The following PSMD14 variants were observed in gnomAD, a reference collection of about 807,000 sequenced individuals.
PSMD14 encodes proteasome 26S subunit, non-ATPase 14.
In PSMD14, 7 loss-of-function variants were observed where a neutral mutation model predicts 41.2. That is an observed-to-expected ratio of 0.17 (90% CI 0.10 to 0.32). The LOEUF (loss-of-function observed/expected upper bound fraction) is 0.32, where lower values mean the gene tolerates loss of function less well. Among genes scored for constraint, PSMD14 ranks in the 10% least tolerant of loss-of-function variants. The pLI is 1.00. For synonymous variants in PSMD14, 114 were observed against 122.3 expected (o/e 0.93, Z 0.45); for missense variants, 139 against 375.6 (o/e 0.37, Z 5.21).
chr2:161,361,695 G>A (rs1683291188), intron 3 of PSMD14, among the ~76,000 whole-genome samples: 1 of 152,170 alleles, frequency 6.6e-6, no homozygotes, highest in South Asian at 2.1e-4. Flanking sequence ...TGATTTAATA[G>A]TGGGAAATAT....
At chr2:161,389,889 G>GTTGTTGTT in intron 8 of PSMD14, among the ~76,000 whole-genome samples, 1 of 20,042 alleles carries the variant, frequency 5.0e-5, no homozygotes, top group Admixed American at 6.9e-4. Flanking sequence ...CTTTTTTGTT[G>GTTGTTGTT]TTTTTTTTTT....
intron 3 of PSMD14, among the ~76,000 whole-genome samples, chr2:161,331,357 G>A (rs368709958): frequency 2.0e-5 from 3 of 152,004 alleles, no homozygotes; most frequent in Non-Finnish European, 4.4e-5. Context: ...CCGCCTCCCA[G>A]GTTCAAGCGG....
intron 3 of PSMD14, among the ~76,000 whole-genome samples, chr2:161,350,103 TAA>T (rs1015943403): frequency 6.6e-6 from 1 of 152,222 alleles, no homozygotes. Context: ...GTATGTTTAG[TAA>T]TATAAAGTTG....
At chr2:161,408,219 T>C (rs1357307851) in intron 10 of PSMD14, 1 of 152,112 alleles carries the variant, frequency 6.6e-6, no homozygotes, top group African/African-American at 2.4e-5. Flanking sequence ...TCATGGTTAC[T>C]AAAGATCACT....
intron 10 of PSMD14, chr2:161,408,290 T>C (rs1336946917): frequency 1.3e-5 from 2 of 153,012 alleles, no homozygotes; most frequent in African/African-American, 2.4e-5. Context: ...GATGTAAAGA[T>C]GTGAAATTAC....
At chr2:161,384,377 T>C (rs1044943511) in intron 7 of PSMD14, 13 of 151,838 alleles carry the variant, frequency 8.6e-5, no homozygotes, top group African/African-American at 2.4e-4. Flanking sequence ...GTAATACTTA[T>C]TACAAGCAGA....
At chr2:161,319,460 C>T (rs1441614763) in intron 3 of PSMD14, among the ~76,000 whole-genome samples, 1 of 152,068 alleles carries the variant, frequency 6.6e-6, no homozygotes, top group Non-Finnish European at 1.5e-5. Flanking sequence ...CAAATGACCT[C>T]TAGATTTCTG....
chr2:161,409,916 C>G (rs952041154), intron 11 of PSMD14, among the ~76,000 whole-genome samples: 1 of 151,872 alleles, frequency 6.6e-6, no homozygotes, highest in Non-Finnish European at 1.5e-5. Flanking sequence ...TTATTTTAAT[C>G]ATAATACTAG....
chr2:161,389,517 G>A (rs188727803), intron 8 of PSMD14, among the ~76,000 whole-genome samples: 1 of 152,054 alleles, frequency 6.6e-6, no homozygotes, highest in Admixed American at 6.6e-5. Context: ...AAATGAGTAA[G>A]GATTTAATAT....
intron 10 of PSMD14, among the ~76,000 whole-genome samples, chr2:161,403,780 A>T (rs1683912720): frequency 6.7e-6 from 1 of 149,806 alleles, no homozygotes; most frequent in Admixed American, 6.7e-5. Context: ...TCCCATCCCC[A>T]CTCCTTTTCA....
chr2:161,313,203 C>T lies in PSMD14; in HGVS notation c.-137-3234C>T, dbSNP rs115910799. 9.6e-3 allele frequency among the ~76,000 whole-genome samples: 1,459 copies of T among 152,214 alleles called. 6 individuals are homozygous for T. Among genetic ancestry groups the T allele is most frequent in the South Asian group, 0.029 (140 of 4,824 alleles). On this transcript the variant is annotated intron_variant, in intron 1 of 11. Coordinates refer to ENST00000409682, the MANE Select transcript of PSMD14 (RefSeq NM_005805.6). ...GACTGTAGAGTCATAGTACTTGACTCTCATGTACCAGGCAAAATAGTCATT... is the reference window on the plus strand; with the variant it reads ...GACTGTAGAGTCATAGTACTTGACTTTCATGTACCAGGCAAAATAGTCATT...
chr2:161,355,687 A>G (rs529009599), intron 3 of PSMD14, among the ~76,000 whole-genome samples: 15 of 152,326 alleles, frequency 9.8e-5, no homozygotes, highest in African/African-American at 3.6e-4. Context: ...TCAGAATAAT[A>G]AAACATAATT....
intron 10 of PSMD14, chr2:161,408,385 T>TA (rs1409935777): frequency 6.0e-6 from 1 of 165,624 alleles, no homozygotes. Context: ...GTTAAATAGA[T>TA]ACTGAAGCTA....
chr2:161,325,911 C>T (rs1682688100), intron 3 of PSMD14, among the ~76,000 whole-genome samples: 1 of 152,020 alleles, frequency 6.6e-6, no homozygotes, highest in African/African-American at 2.4e-5. Context: ...GAGGCCTGTT[C>T]ATTAGATGAT....
intron 10 of PSMD14, among the ~76,000 whole-genome samples, chr2:161,399,349 C>T (rs1044559545): frequency 1.3e-5 from 2 of 151,986 alleles, no homozygotes; most frequent in African/African-American, 2.4e-5. Flanking sequence ...GTGTTTGTTA[C>T]GAGTCAGAAT....
At chr2:161,316,111 TG>T (rs1323422389) in intron 1 of PSMD14, among the ~76,000 whole-genome samples, 1 of 152,210 alleles carries the variant, frequency 6.6e-6, no homozygotes, top group Non-Finnish European at 1.5e-5. Context: ...CCCAAAGTGC[TG>T]GGATTACAGG....
At chr2:161,336,040 C>G (rs1381917401) in intron 3 of PSMD14, among the ~76,000 whole-genome samples, 1 of 152,140 alleles carries the variant, frequency 6.6e-6, no homozygotes, top group Non-Finnish European at 1.5e-5. Flanking sequence ...TCATTATAAG[C>G]CTAGAGGCGT....
intron 7 of PSMD14, among the ~76,000 whole-genome samples, chr2:161,380,054 C>T (rs1683554508): frequency 6.6e-6 from 1 of 151,992 alleles, no homozygotes; most frequent in Non-Finnish European, 1.5e-5. Context: ...CTGGGCAACT[C>T]CATCAGTGCC....
At chr2:161,375,152 G>C (rs1445959105) in intron 7 of PSMD14, among the ~76,000 whole-genome samples, 5 of 151,968 alleles carry the variant, frequency 3.3e-5, no homozygotes, top group African/African-American at 1.2e-4. Flanking sequence ...AAGTGTACCT[G>C]ATCTGTATGC....
Sources: allele counts gnomAD v4.1 joint callset (sites outside exome capture counted in the v4.1 genomes callset), GRCh38; gene constraint gnomAD v4.1.1; transcripts MANE v1.5; gene names NCBI Gene and HGNC (gene_info 2026-07-23, HGNC 2026-07-21).